The following INVS variants were observed in gnomAD, a reference collection of about 807,000 sequenced individuals.
INVS encodes the protein inversion of embryo turning homolog.
A neutral mutation model predicts 108.8 loss-of-function variants in INVS; 86 were observed. The observed-to-expected ratio is 0.79, with a 90% CI of 0.66 to 0.95. The LOEUF is 0.95. Among genes scored for constraint, INVS ranks in the 40% least tolerant of loss-of-function variants. The pLI, the probability that INVS is intolerant of heterozygous loss-of-function variation, is 0.00. For synonymous variants in INVS, 455 were observed against 473.5 expected (o/e 0.96, Z 0.51); for missense variants, 1,169 against 1,297.4 (o/e 0.90, Z 1.52).
chr9:100,119,732 G>A (rs1274856821), intron 2 of INVS, among the ~76,000 whole-genome samples: 1 of 152,070 alleles, frequency 6.6e-6, no homozygotes, highest in Admixed American at 6.5e-5. Context: ...TGATTTTTTT[G>A]TATTTTTTAG....
chr9:100,155,526 T>C (rs1031845620), intron 3 of INVS, among the ~76,000 whole-genome samples: 1 of 151,856 alleles, frequency 6.6e-6, no homozygotes, highest in Non-Finnish European at 1.5e-5. Context: ...TTAGTAGAGA[T>C]GGGGTTTTAC....
intron 10 of INVS, among the ~76,000 whole-genome samples, chr9:100,254,544 T>C (rs1488547225): frequency 2.0e-5 from 3 of 152,190 alleles, no homozygotes; most frequent in Non-Finnish European, 4.4e-5. Flanking sequence ...GTTTTTATGG[T>C]TTTAGGTCTA....
intron 11 of INVS, among the ~76,000 whole-genome samples, chr9:100,271,899 C>T (rs1427690268): frequency 6.6e-6 from 1 of 150,404 alleles, no homozygotes; most frequent in East Asian, 1.9e-4. Flanking sequence ...GACGGTGTCT[C>T]ACTCTGTCAC....
chr9:100,253,113 G>T lies in INVS; in HGVS notation c.1441G>T (p.Asp481Tyr). ...CMAVLMENNADPNIQDKEGRT... is the reference protein window; with the variant it reads ...CMAVLMENNAYPNIQDKEGRT... Reference sequence around the variant, plus strand: ...GGCAGTTCTCATGGAAAACAATGCAGACCCTAACATTCAAGACAAAGAGGT... The same window carrying T: ...GGCAGTTCTCATGGAAAACAATGCATACCCTAACATTCAAGACAAAGAGGT... Residue 481 changes from aspartate (D) to tyrosine (Y), a missense_variant, in exon 10 of 17, where the codon GAC (aspartate) becomes TAC (tyrosine). By Grantham distance (160) the Asp-to-Tyr change is radical. This residue lies in a region of INVS where 271 missense variants were observed against 363.8 expected (regional missense o/e 0.74). Transcript: ENST00000262457. 6.2e-7 allele frequency: 1 copy of T among 1,613,252 alleles called. No individual in the cohort carries two copies. Among genetic ancestry groups the T allele is most frequent in the South Asian group, 1.1e-5 (1 of 91,052 alleles).
intron 7 of INVS, 61 bp from the exon 8 acceptor site, chr9:100,246,555 T>C (rs1832053999): frequency 8.0e-7 from 1 of 1,251,252 alleles, no homozygotes; most frequent in East Asian, 2.4e-5. Context: ...ATTATATGAC[T>C]TTATTACCAC....
chr9:100,188,607 A>G (rs1014443158), intron 3 of INVS, among the ~76,000 whole-genome samples: 2 of 147,244 alleles, frequency 1.4e-5, no homozygotes, highest in Non-Finnish European at 3.0e-5. Flanking sequence ...ATCCATGTTC[A>G]TCAGGGCTAT....
intron 2 of INVS, among the ~76,000 whole-genome samples, chr9:100,106,870 G>A (rs1827197658): frequency 6.6e-6 from 1 of 151,800 alleles, no homozygotes; most frequent in African/African-American, 2.4e-5. Flanking sequence ...GCCACACCTA[G>A]AACAAAAGAA....
chr9:100,146,475 C>G (rs749006056), intron 3 of INVS, among the ~76,000 whole-genome samples: 2 of 152,176 alleles, frequency 1.3e-5, no homozygotes, highest in Non-Finnish European at 2.9e-5. Context: ...TGTGTACGTG[C>G]AGGTCACAGG....
intron 3 of INVS, among the ~76,000 whole-genome samples, chr9:100,185,491 A>T (rs1379225430): frequency 7.0e-6 from 1 of 143,178 alleles, no homozygotes. Flanking sequence ...TACAAGAGAA[A>T]CACTTCATTT....
chr9:100,275,572 A>AGAT (rs1833088535), intron 12 of INVS, among the ~76,000 whole-genome samples: 1 of 152,240 alleles, frequency 6.6e-6, no homozygotes, highest in Admixed American at 6.5e-5. Flanking sequence ...AACAAACATC[A>AGAT]GGATGCTAAA....
At position 100,116,987 on chromosome 9, in the gene INVS, A is replaced by G. The variant is rs565153362; in HGVS notation, c.107-9396A>G. ...GGTGTAGCAGTCATCGATACCAGCC[A>G]TCATGAGCAGCTTCTTGGGCACAGG... On this transcript the variant is annotated intron_variant, in intron 2 of 16. Transcript: ENST00000262457. 4 of 1,559,878 alleles carry G rather than the reference A, an allele frequency of 2.6e-6. No individual in the cohort carries two copies. In the South Asian group the frequency reaches 3.3e-5, roughly 13 times the overall value.
chr9:100,294,181 G>C (rs1023400339), intron 14 of INVS, among the ~76,000 whole-genome samples: 15 of 152,158 alleles, frequency 9.9e-5, no homozygotes, highest in African/African-American at 3.4e-4. Context: ...AAAAGAAATA[G>C]GTGGAAGTTA....
intron 3 of INVS, among the ~76,000 whole-genome samples, chr9:100,207,926 A>T (rs1050296263): frequency 2.6e-5 from 4 of 152,242 alleles, no homozygotes; most frequent in African/African-American, 9.6e-5. Flanking sequence ...ATACTAAAAT[A>T]TTGATTTCAG....
At chr9:100,202,561 T>C (rs1830563278) in intron 3 of INVS, among the ~76,000 whole-genome samples, 1 of 152,214 alleles carries the variant, frequency 6.6e-6, no homozygotes, top group African/African-American at 2.4e-5. Context: ...CTTTTCCACT[T>C]CCTTTTCTTC....
intron 3 of INVS, among the ~76,000 whole-genome samples, chr9:100,205,546 T>C (rs1830648879): frequency 6.6e-6 from 1 of 152,072 alleles, no homozygotes; most frequent in African/African-American, 2.4e-5. Flanking sequence ...ACAAGAGTAA[T>C]ATAGAAATAA....
chr9:100,145,740 C>T (rs1049515059), intron 3 of INVS, among the ~76,000 whole-genome samples: 8 of 152,128 alleles, frequency 5.3e-5, no homozygotes, highest in Non-Finnish European at 1.0e-4. Context: ...ATCAGGCAGT[C>T]GTCCCCACGT....
chr9:100,177,386 T>C (rs1284274123), intron 3 of INVS, among the ~76,000 whole-genome samples: 1 of 152,200 alleles, frequency 6.6e-6, no homozygotes, highest in Non-Finnish European at 1.5e-5. Flanking sequence ...CTCGAAATTC[T>C]TGCTGCCATC....
intron 14 of INVS, among the ~76,000 whole-genome samples, chr9:100,295,863 G>A (rs1833774007): frequency 6.6e-6 from 1 of 152,210 alleles, no homozygotes; most frequent in Admixed American, 6.5e-5. Context: ...ATGGAAGACA[G>A]CATTTCAAAC....
chr9:100,300,507 C>T, intron 16 of INVS, 61 bp from the exon 17 acceptor site: 2 of 1,146,572 alleles, frequency 1.7e-6, no homozygotes, highest in East Asian at 2.4e-5. Flanking sequence ...CACCAATGAA[C>T]TATTCCCTTC....
Sources: gnomAD v4.1 joint callset for allele counts (sites outside exome capture counted in the v4.1 genomes callset) on GRCh38, gnomAD v4.1.1 for gene constraint, gnomAD v4.1.1 regional missense constraint, MANE v1.5 for transcripts, NCBI Gene and HGNC (gene_info 2026-07-23, HGNC 2026-07-21) for gene names.